SLK: variants seen among roughly 807,000 people sequenced by gnomAD.
The protein encoded by SLK is STE20 like kinase, also known as STE20-like serine/threonine-protein kinase.
In SLK, 67 loss-of-function variants were observed where a neutral mutation model predicts 147.7. The ratio of observed to expected loss-of-function variants is 0.45; its 90% CI spans 0.37 to 0.56. The LOEUF (loss-of-function observed/expected upper bound fraction) is 0.56. Among genes scored for constraint, SLK ranks in the 20% least tolerant of loss-of-function variants. SLK has a pLI of 0.00. For synonymous variants in SLK, 441 were observed against 475.0 expected, an observed-to-expected ratio of 0.93 and a Z score of 0.93; for missense variants, 1,136 against 1,438.8, an observed-to-expected ratio of 0.79 and a Z score of 3.41.
chr10:104,002,980 CTAT>C lies in SLK; in HGVS notation c.1805_1807del (p.Ile602del). 3 of 1,613,500 alleles carry C rather than the reference CTAT, an allele frequency of 1.9e-6. No individual in the cohort carries two copies. The highest frequency in any genetic ancestry group is 2.5e-6 in the Non-Finnish European group (3 of 1,179,694). On this transcript the variant is annotated inframe_deletion, in exon 9 of 19. Coordinates refer to ENST00000369755, the MANE Select transcript of SLK (RefSeq NM_014720.4). ...GAGGCTGGTGGTACTAAGGAAGTTCCTATTAAAGAAATAGTTGAAATGAATGAA... is the reference window on the plus strand; with the variant it reads ...GAGGCTGGTGGTACTAAGGAAGTTCCTAAAGAAATAGTTGAAATGAATGAA...
chr10:103,985,242 C>T (rs1344985603), intron 1 of SLK, among the ~76,000 whole-genome samples: 1 of 152,168 alleles, frequency 6.6e-6, no homozygotes, highest in African/African-American at 2.4e-5. Context: ...TTTCCAGCAT[C>T]CTCTGGGGGT....
rs1472566900 is a variant in SLK, at chr10:104,003,326, C to T, written c.2148C>T (p.Asn716=). 6.2e-7 allele frequency: 1 copy of T among 1,613,818 alleles called. No individual in the cohort carries two copies. Among genetic ancestry groups the T allele is most frequent in the African/African-American group, 1.3e-5 (1 of 74,934 alleles). ...TTCTAATACCCAGTATTAATATCAA[C>T]TCTGACAGTGGAGAAAATAAAGAAG... ...QPVLIPSINI[N]SDSGENKEEI... is the part of the protein sequence containing the mutation. The change falls in exon 9 of 19, where the codon AAC becomes AAT. Residue 716 remains asparagine, a synonymous_variant. Transcript: ENST00000369755.
intron 12 of SLK, among the ~76,000 whole-genome samples, chr10:104,010,420 G>T (rs1247562194): frequency 6.6e-6 from 1 of 152,134 alleles, no homozygotes; most frequent in Admixed American, 6.5e-5. Context: ...AATGGCATTA[G>T]CTTTCCTTAT....
chr10:103,971,192 T>C (rs1261530379), intron 1 of SLK, among the ~76,000 whole-genome samples: 1 of 152,238 alleles, frequency 6.6e-6, no homozygotes, highest in Non-Finnish European at 1.5e-5. Flanking sequence ...AATAGTATTA[T>C]TTGACATATA....
At chr10:103,997,947 T>C (rs924790540) in intron 4 of SLK, among the ~76,000 whole-genome samples, 2 of 152,152 alleles carry the variant, frequency 1.3e-5, no homozygotes, top group African/African-American at 4.8e-5. Flanking sequence ...GGTTTAGGAA[T>C]TGTAAAATAA....
rs749047858 is a variant in SLK, at chr10:103,998,880, T to C, written c.515-19T>C. On this transcript the variant is annotated intron_variant, in intron 4 of 18. Coordinates refer to ENST00000369755, the MANE Select transcript of SLK (RefSeq NM_014720.4). ...ATGCTTAAAAGTTCTCATTAATGCTTTTGTGTGATTATTTCAAGCGGATTT... is the reference window on the plus strand; with the variant it reads ...ATGCTTAAAAGTTCTCATTAATGCTCTTGTGTGATTATTTCAAGCGGATTT... 6.9e-6 allele frequency: 11 copies of C among 1,587,934 alleles called. No homozygotes were observed. In the South Asian group the frequency reaches 1.0e-4, roughly 14 times the overall value.
Position 104,002,943 on chromosome 10 carries a change from ATGG to A in SLK, c.1769_1771del (p.Val590del). The A allele has an allele frequency of 6.2e-7, 1 of 1,614,092 alleles. No homozygotes were observed. The highest frequency in any genetic ancestry group is 1.1e-5 in the South Asian group (1 of 91,060). ...AGGCCAGAAATTAATTAATAAGCCC[ATGG>A]TGGGTCCTGAGGCTGGTGGTACTAA... On this transcript the variant is annotated inframe_deletion, in exon 9 of 19. Transcript: ENST00000369755.
chr10:103,978,921 G>A (rs1843904915), intron 1 of SLK, among the ~76,000 whole-genome samples: 1 of 152,062 alleles, frequency 6.6e-6, no homozygotes, highest in Non-Finnish European at 1.5e-5. Context: ...GAAAGTGTGA[G>A]CAAAGTTAAT....
At chr10:103,996,566 T>G (rs1441891702) in intron 4 of SLK, among the ~76,000 whole-genome samples, 1 of 151,874 alleles carries the variant, frequency 6.6e-6, no homozygotes, top group Non-Finnish European at 1.5e-5. Flanking sequence ...GCCCAGCTAA[T>G]TTTTTGTATT....
At chr10:104,018,986 T>G (rs181828935) in intron 15 of SLK, 78 bp downstream of exon 15, 1 of 1,350,862 alleles carries the variant, frequency 7.4e-7, no homozygotes, top group East Asian at 2.4e-5. Flanking sequence ...AACTTAAGTT[T>G]CTTAGATAAT....
chr10:103,995,661 A>C (rs1186515864), intron 4 of SLK, among the ~76,000 whole-genome samples: 2 of 151,914 alleles, frequency 1.3e-5, no homozygotes, highest in African/African-American at 4.8e-5. Flanking sequence ...CCTGGCCAGA[A>C]GTGATCTGCC....
intron 12 of SLK, 119 bp from the exon 13 acceptor site, chr10:104,010,697 C>G (rs1012022141): frequency 1.1e-5 from 6 of 534,914 alleles, no homozygotes; most frequent in African/African-American, 1.9e-5. Context: ...TATGCTAATG[C>G]ATGTTGAAAG....
rs755880104 is a variant in SLK, at chr10:104,002,953, C to T, written c.1775C>T (p.Pro592Leu). 19 of 1,613,852 alleles carry T rather than the reference C, an allele frequency of 1.2e-5. No homozygotes were observed. Among genetic ancestry groups the T allele is most frequent in the Non-Finnish European group, 1.5e-5 (18 of 1,179,930 alleles). The stretch of plus-strand genomic sequence containing the variant: ...TTAATTAATAAGCCCATGGTGGGTC[C>T]TGAGGCTGGTGGTACTAAGGAAGTT... ...QKLINKPMVG[P>L]EAGGTKEVPI... The change falls in exon 9 of 19, where the codon CCT (proline) becomes CTT (leucine). Residue 592 changes from proline to leucine, a missense_variant. By Grantham distance (98) the Pro-to-Leu change is moderately conservative. Transcript: ENST00000369755.
chr10:104,011,064 A>G (rs1844393643), intron 13 of SLK, among the ~76,000 whole-genome samples, 156 bp downstream of exon 13: 1 of 152,220 alleles, frequency 6.6e-6, no homozygotes, highest in South Asian at 2.1e-4. Flanking sequence ...ATTTAATACT[A>G]AATTCCTACT....
At chr10:103,997,540 C>A (rs533847594) in intron 4 of SLK, among the ~76,000 whole-genome samples, 2 of 151,840 alleles carry the variant, frequency 1.3e-5, no homozygotes, top group South Asian at 2.1e-4. Flanking sequence ...ACATTTCTAA[C>A]GGAAATGTAC....
intron 4 of SLK, among the ~76,000 whole-genome samples, chr10:103,997,856 T>C (rs1033511902): frequency 5.9e-5 from 9 of 152,144 alleles, no homozygotes; most frequent in African/African-American, 2.2e-4. Flanking sequence ...GGGGGCATTT[T>C]TTTTGTAAAT....
At chr10:103,973,654 G>A (rs1264821284) in intron 1 of SLK, among the ~76,000 whole-genome samples, 6 of 152,224 alleles carry the variant, frequency 3.9e-5, no homozygotes, top group East Asian at 3.9e-4. Context: ...TCTTAATAAT[G>A]AGTTACAGTT....
intron 1 of SLK, among the ~76,000 whole-genome samples, chr10:103,989,464 CTTTTTTTTTTT>C (rs68033075): frequency 1.3e-5 from 1 of 78,620 alleles, no homozygotes; most frequent in African/African-American, 5.2e-5. Flanking sequence ...GTGGCAGTTT[CTTTTTTTTTTT>C]TTTTTTTTTT....
chr10:104,016,918 A>G (rs932196943), intron 13 of SLK, among the ~76,000 whole-genome samples: 9 of 152,212 alleles, frequency 5.9e-5, no homozygotes, highest in African/African-American at 1.9e-4. Flanking sequence ...CTTCAATTTT[A>G]AATTCTAAAT....
Sources: allele counts gnomAD v4.1 joint callset (sites outside exome capture counted in the v4.1 genomes callset), GRCh38; gene constraint gnomAD v4.1.1; transcripts MANE v1.5; gene names NCBI Gene and HGNC (gene_info 2026-07-23, HGNC 2026-07-21).